ITPR3: variants seen among roughly 807,000 people sequenced by gnomAD.
The protein encoded by ITPR3 is inositol 1,4,5-trisphosphate-gated calcium channel ITPR3.
Under a neutral mutation model 293.2 loss-of-function variants are expected in ITPR3, and 173 were observed. The observed-to-expected ratio is 0.59, with a 90% CI of 0.52 to 0.67. The LOEUF is 0.67. Among genes scored for constraint, ITPR3 ranks in the 30% least tolerant of loss-of-function variants. ITPR3 has a pLI of 0.00. For synonymous variants in ITPR3, 1,295 were observed against 1,444.4 expected, an observed-to-expected ratio of 0.90 and a Z score of 2.35; for missense variants, 2,796 against 3,592.1, an observed-to-expected ratio of 0.78 and a Z score of 5.66.
Position 33,694,846 on chromosome 6 carries a change from CCCA to C in ITPR3, c.7786-76_7786-74del, listed in dbSNP as rs1765496092. The C allele has an allele frequency of 4.5e-6, 7 of 1,564,878 alleles. No individual in the cohort carries two copies. The African/African-American group carries it at 8.1e-5, about 18-fold the overall frequency. ...GTTAAGGGTGTGGCAGAAGCCTCCCCCCACATTACTGTTTTTCTAAATGAGGCC... is the reference window on the plus strand; with the variant it reads ...GTTAAGGGTGTGGCAGAAGCCTCCCCCATTACTGTTTTTCTAAATGAGGCC... On this transcript the variant is annotated intron_variant, in intron 56 of 57. Coordinates refer to ENST00000605930, the MANE Select transcript of ITPR3 (RefSeq NM_002224.4).
chr6:33,663,520 T>C lies in ITPR3; in HGVS notation c.975T>C (p.Gly325=). Residue 325 remains glycine, a synonymous_variant, in exon 10 of 58, where the codon GGT becomes GGC. Transcript: ENST00000605930. The stretch of plus-strand genomic sequence containing the variant: ...TCCAGGAGAACCCCAGTTACAAAGG[T>C]GATGCCTCAGATCCCAAGGCAGCAG... ...LAAEENPSYK[G]DASDPKAAGM... 6.2e-7 allele frequency: 1 copy of C among 1,606,076 alleles called. No homozygotes were observed. The highest frequency in any genetic ancestry group is 1.1e-5 in the South Asian group (1 of 89,666).
rs901714107 is a variant in ITPR3, at chr6:33,687,302, A to G, written c.6152A>G (p.His2051Arg). ...GAGGTGAGCCCACGTGAAGTGGGCC[A>G]TAACATCTATATCCTGGCGCTGCAG... ...NSEVSPREVG[H>R]NIYILALQLS... Residue 2051 changes from histidine to arginine, a missense_variant, in exon 45 of 58, where the codon CAT (histidine) becomes CGT (arginine). Physicochemically the swap from His to Arg is conservative, Grantham distance 29. Coordinates refer to ENST00000605930, the MANE Select transcript of ITPR3 (RefSeq NM_002224.4). This position sits in a 1 kb window ranked among gnomAD's most constrained non-coding sequence, Gnocchi z 5.3. 1.9e-6 allele frequency: 3 copies of G among 1,611,758 alleles called. No homozygotes were observed. The highest frequency in any genetic ancestry group is 1.1e-5 in the South Asian group (1 of 91,002).
At position 33,677,476 on chromosome 6, in the gene ITPR3, G is replaced by A. The variant is rs370539679; in HGVS notation, c.3523-28G>A. Reference sequence around the variant, plus strand: ...AGGGCAGCCTGAGAAGTAGGGAAGGGGCTCTGGCTCACCCGCCTCCCCTGC... The same window carrying A: ...AGGGCAGCCTGAGAAGTAGGGAAGGAGCTCTGGCTCACCCGCCTCCCCTGC... On this transcript the variant is annotated intron_variant, in intron 27 of 57. Coordinates refer to ENST00000605930, the MANE Select transcript of ITPR3 (RefSeq NM_002224.4). 9 of 1,612,132 alleles carry A rather than the reference G, an allele frequency of 5.6e-6. No individual in the cohort carries two copies. In the African/African-American group the frequency reaches 1.2e-4, roughly 22 times the overall value.
intron 21 of ITPR3, 151 bp downstream of exon 21, chr6:33,671,457 C>T (rs1017342540): frequency 6.3e-6 from 4 of 638,616 alleles, no homozygotes; most frequent in African/African-American, 1.8e-5. Context: ...CCAAGCCCCT[C>T]CCACCTCAGC....
rs769495170 is a variant in ITPR3, at chr6:33,672,191, T to C, written c.2891T>C (p.Val964Ala). 1 of 1,612,914 alleles carries C rather than the reference T, an allele frequency of 6.2e-7. No homozygotes were observed. Among genetic ancestry groups the C allele is most frequent in the South Asian group, 1.1e-5 (1 of 91,034 alleles). The change falls in exon 22 of 58, where the codon GTG becomes GCG. Residue 964 changes from valine to alanine, a missense_variant. This residue lies in a region of ITPR3 where 955 missense variants were observed against 1,180.8 expected (regional missense o/e 0.81). Transcript: ENST00000605930. The surrounding 1 kb of genome is among the most constrained non-coding windows in gnomAD (Gnocchi z 5.0). ...SKFEENEDIV[V>A]METKLKILEI... ...TTTGAGGAGAATGAGGACATTGTGG[T>C]GATGGAGACCAAGCTGAAGATCCTG...
chr6:33,654,232 C>T lies in ITPR3; in HGVS notation c.161-1534C>T, dbSNP rs1764256674. On this transcript the variant is annotated intron_variant, in intron 2 of 57. Transcript: ENST00000605930. The surrounding 1 kb of genome is among the most constrained non-coding windows in gnomAD (Gnocchi z 4.1). ...GCAGTGAGCCGAGATTGCATCACTG[C>T]ACTCCAGCCTGAGCTACAGAGTGAG... Among the ~76,000 whole-genome samples, 1 of 152,070 alleles carries T rather than the reference C, an allele frequency of 6.6e-6. No individual in the cohort carries two copies. The highest frequency in any genetic ancestry group is 1.5e-5 in the Non-Finnish European group (1 of 68,020).
chr6:33,640,400 C>T, intron 1 of ITPR3, 84 bp from the exon 2 acceptor site: 2 of 1,280,394 alleles, frequency 1.6e-6, no homozygotes, highest in Non-Finnish European at 2.2e-6. Context: ...TCACTGGTAC[C>T]CTGGCATCCC....
chr6:33,644,820 C>T (rs149465829), intron 2 of ITPR3, among the ~76,000 whole-genome samples: 6,753 of 151,510 alleles, frequency 0.045, 200 homozygotes, highest in Middle Eastern at 0.083. Context: ...CGTGCCACCA[C>T]GCCCAGCTAA....
Position 33,658,984 on chromosome 6 carries a change from G to A in ITPR3, c.529-37G>A, listed in dbSNP as rs1486156650. On this transcript the variant is annotated intron_variant, in intron 5 of 57. Transcript: ENST00000605930. The surrounding 1 kb of genome is among the most constrained non-coding windows in gnomAD (Gnocchi z 6.1). ...GGAGGCGTGGTGACAAGAGGGCCCT[G>A]CCCTTCCCACCTAACCTGTCCCACC... is the stretch of plus-strand genomic sequence containing the variant. The A allele has an allele frequency of 3.1e-6, 5 of 1,608,460 alleles. No individual in the cohort carries two copies. In the South Asian group the frequency reaches 5.5e-5, roughly 18 times the overall value.
At chr6:33,674,838 G>A (rs190252515) in intron 24 of ITPR3, among the ~76,000 whole-genome samples, 1 of 152,172 alleles carries the variant, frequency 6.6e-6, no homozygotes. Context: ...TTACTAATAC[G>A]TAAAGTAGCG....
intron 17 of ITPR3, 105 bp from the exon 18 acceptor site, chr6:33,668,869 G>T: frequency 7.8e-7 from 1 of 1,281,956 alleles, no homozygotes; most frequent in Non-Finnish European, 1.1e-6. Flanking sequence ...GGTCTCTCTG[G>T]GTCCCCGTGG....
Position 33,692,893 on chromosome 6 carries a change from G to A in ITPR3, c.7624G>A (p.Gly2542Ser). The A allele has an allele frequency of 1.2e-6, 2 of 1,613,976 alleles. No homozygotes were observed. Among genetic ancestry groups the A allele is most frequent in the Non-Finnish European group, 1.7e-6 (2 of 1,179,916 alleles). ...TCTTAAGACGACATGCTTCATCTGT[G>A]GTGAGGGCTGCTTCCTGCTCTGTGG... ...EILKTTCFIC[G>S]LERDKFDNKT... The change falls in exon 55 of 58, where the codon GGT becomes AGT. Residue 2542 changes from glycine (G) to serine (S), a missense_variant and splice_region_variant. By Grantham distance (56) the Gly-to-Ser change is moderately conservative. Coordinates refer to ENST00000605930, the MANE Select transcript of ITPR3 (RefSeq NM_002224.4). This position sits in a 1 kb window ranked among gnomAD's most constrained non-coding sequence, Gnocchi z 4.2.
chr6:33,661,867 G>T (rs1392150434), intron 7 of ITPR3, among the ~76,000 whole-genome samples: 2 of 48,770 alleles, frequency 4.1e-5, no homozygotes, highest in Non-Finnish European at 1.3e-4. Flanking sequence ...GTGGTGGCAG[G>T]CACCTGTGGT....
chr6:33,689,925 T>C, intron 50 of ITPR3, 109 bp from the exon 51 acceptor site: 1 of 1,345,876 alleles, frequency 7.4e-7, no homozygotes, highest in Non-Finnish European at 1.0e-6. Context: ...TGGAAGCAAT[T>C]TCATTAATGC....
At chr6:33,639,817 A>G (rs1016250034) in intron 1 of ITPR3, among the ~76,000 whole-genome samples, 1 of 152,034 alleles carries the variant, frequency 6.6e-6, no homozygotes, top group Non-Finnish European at 1.5e-5. Context: ...GGGTAAATGA[A>G]TGCCCTCAAG....
In ITPR3 at chr6:33,684,202, G is replaced by T. The variant is rs758287700; in HGVS notation, c.4937+34G>T. ...GACACTGGGGCATGGGGGCAGCAGGGGTGCAGCGGCAGGGGACAGAGAAGG... is the reference window on the plus strand; with the variant it reads ...GACACTGGGGCATGGGGGCAGCAGGTGTGCAGCGGCAGGGGACAGAGAAGG... On this transcript the variant is annotated intron_variant, in intron 36 of 57. Transcript: ENST00000605930. This position sits in a 1 kb window ranked among gnomAD's most constrained non-coding sequence, Gnocchi z 4.2. 3 of 1,605,278 alleles carry T rather than the reference G, an allele frequency of 1.9e-6. No homozygotes were observed. The highest frequency in any genetic ancestry group is 2.5e-6 in the Non-Finnish European group (3 of 1,177,472).
intron 56 of ITPR3, chr6:33,694,721 CAG>C (rs1249375676): frequency 7.1e-5 from 39 of 550,198 alleles, no homozygotes; most frequent in Middle Eastern, 9.5e-4. Context: ...GTCTCGGTGG[CAG>C]AGGGTTGACA....
At position 33,621,683 on chromosome 6, in the gene ITPR3, C is replaced by T. The variant is rs1355071955; in HGVS notation, c.81C>T (p.Ser27=). ...YAEGSVNGFI[S]TLGLVDDRCV... ...AGGGCTCCGTCAATGGCTTCATCAG[C>T]ACTTTGGGGTGAGTGAGCCGAGCTC... The change falls in exon 1 of 58, where the codon AGC becomes AGT. Residue 27 remains serine (S), a synonymous_variant. Coordinates refer to ENST00000605930, the MANE Select transcript of ITPR3 (RefSeq NM_002224.4). The surrounding 1 kb of genome is among the most constrained non-coding windows in gnomAD (Gnocchi z 7.7). 2.5e-6 allele frequency: 4 copies of T among 1,607,394 alleles called. No homozygotes were observed. The highest frequency in any genetic ancestry group is 3.4e-6 in the Non-Finnish European group (4 of 1,176,846).
At chr6:33,627,740 G>A (rs1441653004) in intron 1 of ITPR3, among the ~76,000 whole-genome samples, 9 of 152,200 alleles carry the variant, frequency 5.9e-5, no homozygotes, top group African/African-American at 2.2e-4. Flanking sequence ...GCCACAGAGG[G>A]TCAGACATGA....
Sources: allele counts gnomAD v4.1 joint callset (sites outside exome capture counted in the v4.1 genomes callset), GRCh38; gene constraint gnomAD v4.1.1; regional missense constraint gnomAD v4.1.1; non-coding constraint Gnocchi (gnomAD v3.1); transcripts MANE v1.5; gene names NCBI Gene and HGNC (gene_info 2026-07-23, HGNC 2026-07-21).